RFC3: variants seen among roughly 807,000 people sequenced by gnomAD.
The protein encoded by RFC3 is replication factor C subunit 3.
Under a neutral mutation model 45.1 loss-of-function variants are expected in RFC3, and 41 were observed. The ratio of observed to expected loss-of-function variants is 0.91; its 90% CI spans 0.71 to 1.18. The LOEUF is 1.18. RFC3 is among the 50% of genes most tolerant of loss of function. The probability of loss-of-function intolerance (pLI) is 0.00; values close to 1 mark genes in which losing one functional copy is unlikely to be tolerated. For synonymous variants in RFC3, 149 were observed against 144.0 expected, an observed-to-expected ratio of 1.03 and a Z score of -0.25; for missense variants, 423 against 428.1, an observed-to-expected ratio of 0.99 and a Z score of 0.10.
At chr13:33,838,544 A>C (rs1270264004), downstream of RFC3, among the ~76,000 whole-genome samples, 1 of 152,066 alleles carries the variant, frequency 6.6e-6, no homozygotes, top group Non-Finnish European at 1.5e-5. Context: ...CTTTTACATA[A>C]TGAGCCAATT....
chr13:33,929,966 T>A (rs1291155581), intron 8 of RFC3, among the ~76,000 whole-genome samples: 2 of 152,142 alleles, frequency 1.3e-5, no homozygotes, highest in Non-Finnish European at 1.5e-5. Context: ...ACTTTCCTTT[T>A]GAATATTTGT....
chr13:33,943,947 G>A (rs1374197848), intron 8 of RFC3, among the ~76,000 whole-genome samples: 2 of 152,018 alleles, frequency 1.3e-5, no homozygotes, highest in Non-Finnish European at 2.9e-5. Flanking sequence ...GTCAATTTAG[G>A]GTATGTCTTT....
At chr13:33,853,577 A>G (rs1056299251) in intron 8 of RFC3, among the ~76,000 whole-genome samples, 1 of 152,206 alleles carries the variant, frequency 6.6e-6, no homozygotes, top group Non-Finnish European at 1.5e-5. Context: ...GAAAGTAGGC[A>G]GGATACGCTG....
At chr13:33,959,721 C>T (rs1289603368) in intron 8 of RFC3, among the ~76,000 whole-genome samples, 1 of 152,194 alleles carries the variant, frequency 6.6e-6, no homozygotes, top group African/African-American at 2.4e-5. Context: ...CTTCCTCTAC[C>T]ACCAAGGTAT....
At chr13:33,940,454 G>T (rs1030482055) in intron 8 of RFC3, among the ~76,000 whole-genome samples, 1 of 152,148 alleles carries the variant, frequency 6.6e-6, no homozygotes, top group Admixed American at 6.5e-5. Flanking sequence ...CCAGCATGTT[G>T]CTAATTTTGG....
At chr13:33,861,223 C>G (rs988113490) in intron 8 of RFC3, among the ~76,000 whole-genome samples, 2 of 152,174 alleles carry the variant, frequency 1.3e-5, no homozygotes, top group African/African-American at 4.8e-5. Context: ...TTCAAGATTT[C>G]TTAGAGCATT....
At chr13:33,935,002 A>C (rs1047376597) in intron 8 of RFC3, among the ~76,000 whole-genome samples, 5 of 152,098 alleles carry the variant, frequency 3.3e-5, no homozygotes, top group African/African-American at 9.7e-5. Flanking sequence ...GAAACTCTAC[A>C]TTATGGATAT....
At chr13:33,947,676 G>A (rs1051413261) in intron 8 of RFC3, among the ~76,000 whole-genome samples, 5 of 152,198 alleles carry the variant, frequency 3.3e-5, no homozygotes, top group Non-Finnish European at 7.3e-5. Flanking sequence ...CTAGAGACTT[G>A]TTGAATGGCT....
At chr13:33,821,047 A>C in intron 1 of RFC3, 85 bp from the exon 2 acceptor site, 1 of 1,370,872 alleles carries the variant, frequency 7.3e-7, no homozygotes. Context: ...AGACACATAA[A>C]ATATTTGTTA....
At chr13:33,834,325 T>TATATATATATATATATACAC (rs2082132184) in intron 7 of RFC3, among the ~76,000 whole-genome samples, 1 of 119,850 alleles carries the variant, frequency 8.3e-6, no homozygotes, top group Non-Finnish European at 1.7e-5. Flanking sequence ...TATATATATA[T>TATATATATATATATATACAC]ATATATCTGT....
intron 8 of RFC3, among the ~76,000 whole-genome samples, chr13:33,904,911 C>T (rs1235995388): frequency 1.3e-5 from 2 of 151,870 alleles, no homozygotes; most frequent in Non-Finnish European, 2.9e-5. Context: ...AAAATAAGAC[C>T]GAACAATATG....
intron 8 of RFC3, among the ~76,000 whole-genome samples, chr13:33,965,751 G>A (rs908730826): frequency 5.3e-5 from 8 of 152,126 alleles, no homozygotes; most frequent in Non-Finnish European, 1.2e-4. Flanking sequence ...TTAAACAGTG[G>A]TTCTGTTTTA....
At chr13:33,871,934 A>G (rs1320645451) in intron 8 of RFC3, among the ~76,000 whole-genome samples, 2 of 152,230 alleles carry the variant, frequency 1.3e-5, no homozygotes, top group Non-Finnish European at 2.9e-5. Flanking sequence ...CTTAAAGCAT[A>G]CCTGCTTGTA....
At chr13:33,834,162 T>C (rs1440299043) in intron 7 of RFC3, among the ~76,000 whole-genome samples, 1 of 150,780 alleles carries the variant, frequency 6.6e-6, no homozygotes, top group Non-Finnish European at 1.5e-5. Context: ...TTCTTTTTTT[T>C]TTTCCCCCAC....
chr13:33,865,975 C>T (rs914616750), intron 8 of RFC3, among the ~76,000 whole-genome samples: 1 of 152,128 alleles, frequency 6.6e-6, no homozygotes, highest in African/African-American at 2.4e-5. Context: ...AGGAGAATTG[C>T]TTGAACCCGG....
intron 8 of RFC3, among the ~76,000 whole-genome samples, chr13:33,886,792 A>ACT (rs1339097953): frequency 3.9e-5 from 3 of 76,724 alleles, no homozygotes; most frequent in African/African-American, 1.5e-4. Context: ...CCCTCCCCCC[A>ACT]CCCCACAACA....
chr13:33,904,988 G>A (rs955431410), intron 8 of RFC3, among the ~76,000 whole-genome samples: 1 of 152,112 alleles, frequency 6.6e-6, no homozygotes, highest in Non-Finnish European at 1.5e-5. Flanking sequence ...CAAAATTGAA[G>A]GCAGCAATTA....
At chr13:33,905,471 C>T (rs891056969) in intron 8 of RFC3, among the ~76,000 whole-genome samples, 6 of 151,778 alleles carry the variant, frequency 4.0e-5, no homozygotes, top group Non-Finnish European at 7.4e-5. Flanking sequence ...AAATCTAAGC[C>T]TGAAAGACCT....
Position 33,888,502 on chromosome 13 carries a change from A to G in RFC3, c.879+53285A>G, listed in dbSNP as rs1593668125. Among the ~76,000 whole-genome samples, 6 of 152,362 alleles carry G rather than the reference A, an allele frequency of 3.9e-5. No homozygotes were observed. In the East Asian group the frequency reaches 1.2e-3, roughly 29 times the overall value. ...TATTTCTCAAGTGCGGAAGCCGAGTAGCCACAATGCTGCGTTACTCTATGG... is the reference window on the plus strand; with the variant it reads ...TATTTCTCAAGTGCGGAAGCCGAGTGGCCACAATGCTGCGTTACTCTATGG... On this transcript the variant is annotated intron_variant, in intron 8 of 8. Coordinates refer to the RFC3 transcript ENST00000434425.
Sources: allele counts gnomAD v4.1 joint callset (sites outside exome capture counted in the v4.1 genomes callset), GRCh38; gene constraint gnomAD v4.1.1; transcripts MANE v1.5; gene names NCBI Gene and HGNC (gene_info 2026-07-23, HGNC 2026-07-21).